ZNF503: variants seen among roughly 807,000 people sequenced by gnomAD.
ZNF503 encodes the protein NocA-like zinc finger 2.
Under a neutral mutation model 34.4 loss-of-function variants are expected in ZNF503, and 15 were observed. The observed-to-expected ratio is 0.44, with a 90% confidence interval of 0.29 to 0.67. ZNF503 has a LOEUF of 0.67. Ranked by LOEUF, ZNF503 falls within the 30% of genes least tolerant of loss-of-function variation. The pLI is 0.13. For synonymous variants in ZNF503, 580 were observed against 456.8 expected (o/e 1.27, Z -3.44); for missense variants, 1,007 against 926.8 (o/e 1.09, Z -1.12).
At chr10:75,325,397 C>T in the ZNF503 span, among the ~76,000 whole-genome samples, 1 of 151,512 alleles carries the variant, frequency 6.6e-6, no homozygotes, top group African/African-American at 2.4e-5. Context: ...ACAATCAGCT[C>T]ACTCATTGCA....
chr10:75,365,420 A>G, the ZNF503 span, among the ~76,000 whole-genome samples: 1 of 152,238 alleles, frequency 6.6e-6, no homozygotes. Context: ...TGCTGGGATT[A>G]CAGGCGTGAG....
At chr10:75,397,702 G>T (rs1445708593), downstream of ZNF503, 2 of 152,268 alleles carry the variant, frequency 1.3e-5, no homozygotes, top group Non-Finnish European at 2.9e-5. Flanking sequence ...TTGCCTCCCA[G>T]AAAATCACAA....
chr10:75,391,379 A>G, the ZNF503 span, among the ~76,000 whole-genome samples: 2 of 152,174 alleles, frequency 1.3e-5, no homozygotes, highest in African/African-American at 2.4e-5. Flanking sequence ...TCAAGCAGCC[A>G]TCTCGGACTC....
At chr10:75,290,295 A>G in the ZNF503 span, among the ~76,000 whole-genome samples, 2 of 151,922 alleles carry the variant, frequency 1.3e-5, no homozygotes, top group Non-Finnish European at 2.9e-5. Context: ...GCTGTTATGA[A>G]TAAGTCTTCT....
the ZNF503 span, among the ~76,000 whole-genome samples, chr10:75,322,271 G>A: frequency 6.6e-6 from 1 of 151,754 alleles, no homozygotes; most frequent in South Asian, 2.1e-4. Context: ...CTACAGGTGT[G>A]CGCCACCATG....
chr10:75,354,642 T>A, the ZNF503 span, among the ~76,000 whole-genome samples: 1 of 152,040 alleles, frequency 6.6e-6, no homozygotes, highest in Non-Finnish European at 1.5e-5. Context: ...CCCAGGAGGT[T>A]GAGGCAGCAG....
the ZNF503 span, among the ~76,000 whole-genome samples, chr10:75,329,434 C>CCTTTCTTT: frequency 4.6e-5 from 4 of 87,458 alleles, no homozygotes; most frequent in South Asian, 4.6e-4. Flanking sequence ...TTCCTTCCTT[C>CCTTTCTTT]CTTTCTTTCT....
the ZNF503 span, among the ~76,000 whole-genome samples, chr10:75,390,768 C>G: frequency 1.3e-5 from 2 of 152,154 alleles, no homozygotes; most frequent in Admixed American, 1.3e-4. Context: ...CTCTTAGTAA[C>G]AAAGCCCTTT....
the ZNF503 span, among the ~76,000 whole-genome samples, chr10:75,342,418 A>G: frequency 6.6e-6 from 1 of 152,114 alleles, no homozygotes; most frequent in Non-Finnish European, 1.5e-5. Context: ...AGGACTGTGC[A>G]GAAGGAGAAG....
the ZNF503 span, among the ~76,000 whole-genome samples, chr10:75,320,503 A>T: frequency 6.6e-6 from 1 of 151,412 alleles, no homozygotes; most frequent in Non-Finnish European, 1.5e-5. Context: ...AAATAAAAAT[A>T]AAAAATTAGC....
chr10:75,393,598 C>T (rs1843666915), downstream of ZNF503, among the ~76,000 whole-genome samples: 1 of 152,166 alleles, frequency 6.6e-6, no homozygotes, highest in African/African-American at 2.4e-5. Context: ...GTGGCTCACG[C>T]CTGTAATCCC....
chr10:75,280,739 A>C, the ZNF503 span, among the ~76,000 whole-genome samples: 1 of 152,176 alleles, frequency 6.6e-6, no homozygotes, highest in Non-Finnish European at 1.5e-5. Flanking sequence ...ACAACTGATG[A>C]TTCTGGCACT....
At chr10:75,319,654 T>C in the ZNF503 span, among the ~76,000 whole-genome samples, 1 of 152,314 alleles carries the variant, frequency 6.6e-6, no homozygotes, top group African/African-American at 2.4e-5. Flanking sequence ...AATAATTACA[T>C]TATATATAAA....
At chr10:75,299,422 T>C in the ZNF503 span, among the ~76,000 whole-genome samples, 12 of 152,202 alleles carry the variant, frequency 7.9e-5, no homozygotes, top group Admixed American at 7.2e-4. Flanking sequence ...ACTTTCTGAG[T>C]ATTACTGTCG....
At chr10:75,334,256 A>C in the ZNF503 span, among the ~76,000 whole-genome samples, 2 of 152,196 alleles carry the variant, frequency 1.3e-5, no homozygotes, top group Non-Finnish European at 2.9e-5. Flanking sequence ...GGGCGGCCTA[A>C]ATTTTTCAAT....
At position 75,399,691 on chromosome 10, in the gene ZNF503, G is replaced by A. The variant is rs369350854; in HGVS notation, c.999C>T (p.Gly333=). The change falls in exon 2 of 2, where the codon GGC becomes GGT. Residue 333 remains glycine (G), a synonymous_variant. Coordinates refer to ENST00000372524, the MANE Select transcript of ZNF503 (RefSeq NM_032772.6). The part of the protein sequence containing the change: ...PSAPTSSSVL[G]SGLVAPVSPY... Reference sequence around the variant, plus strand: ...GTGACACGGGAGCCACCAGCCCAGAGCCCAACACTGAGGAGGAGGTGGGCG... The same window carrying A: ...GTGACACGGGAGCCACCAGCCCAGAACCCAACACTGAGGAGGAGGTGGGCG... The A allele has an allele frequency of 1.9e-6, 3 of 1,600,256 alleles. No homozygotes were observed. Among genetic ancestry groups the A allele is most frequent in the Non-Finnish European group, 2.5e-6 (3 of 1,179,240 alleles).
At chr10:75,362,308 C>A in the ZNF503 span, among the ~76,000 whole-genome samples, 10 of 152,032 alleles carry the variant, frequency 6.6e-5, no homozygotes, top group Admixed American at 1.3e-4. Context: ...TTAATTAAGC[C>A]TCAGAATGTT....
the ZNF503 span, among the ~76,000 whole-genome samples, chr10:75,367,497 T>C: frequency 6.6e-6 from 1 of 152,216 alleles, no homozygotes; most frequent in Non-Finnish European, 1.5e-5. Context: ...CATCGTGTCA[T>C]TTTACATTGT....
chr10:75,369,195 A>G, the ZNF503 span, among the ~76,000 whole-genome samples: 1 of 152,262 alleles, frequency 6.6e-6, no homozygotes, highest in Middle Eastern at 3.2e-3. Context: ...AGAAGGATAC[A>G]CAAAAATTGG....
Sources: allele counts gnomAD v4.1 joint callset (sites outside exome capture counted in the v4.1 genomes callset), GRCh38; gene constraint gnomAD v4.1.1; transcripts MANE v1.5; gene names NCBI Gene and HGNC (gene_info 2026-07-23, HGNC 2026-07-21).